Variants in NUP93 observed in about 807,000 individuals in gnomAD.
NUP93 encodes the protein nuclear pore complex protein Nup93.
Under a neutral mutation model 107.8 loss-of-function variants are expected in NUP93, and 55 were observed. The ratio of observed to expected loss-of-function variants is 0.51; its 90% confidence interval spans 0.41 to 0.64. The LOEUF (loss-of-function observed/expected upper bound fraction) is 0.64, where lower values mean the gene tolerates loss of function less well. Among genes scored for constraint, NUP93 ranks in the 30% least tolerant of loss-of-function variants. The pLI is 0.00. For synonymous variants in NUP93, 390 were observed against 397.5 expected (o/e 0.98, Z 0.22); for missense variants, 937 against 1,044.7 (o/e 0.90, Z 1.42).
chr16:56,740,187 G>A, intron 1 of NUP93, among the ~76,000 whole-genome samples: 1 of 147,388 alleles, frequency 6.8e-6, no homozygotes, highest in Non-Finnish European at 1.5e-5. Flanking sequence ...TCACTTCCCA[G>A]ATGGGGTGGC....
Position 56,844,579 on chromosome 16 carries a change from G to A in NUP93, c.2430G>A (p.Arg810=). Reference sequence around the variant, plus strand: ...GAACGTCTGGGGACACCAATGCGAGGCTGGTGCAGATGGAGGTCCTCATGA... The same window carrying A: ...GAACGTCTGGGGACACCAATGCGAGACTGGTGCAGATGGAGGTCCTCATGA... ...PYRTSGDTNA[R]LVQMEVLMN is the part of the protein sequence containing the mutation. Residue 810 remains arginine, a synonymous_variant, in exon 22 of 22, where the codon AGG becomes AGA. Coordinates refer to ENST00000308159, the MANE Select transcript of NUP93 (RefSeq NM_014669.5). The A allele has an allele frequency of 3.8e-6, 6 of 1,594,060 alleles. No homozygotes were observed. The highest frequency in any genetic ancestry group is 5.1e-6 in the Non-Finnish European group (6 of 1,170,514).
At chr16:56,818,781 G>A in intron 6 of NUP93, 43 bp downstream of exon 6, 2 of 1,542,040 alleles carry the variant, frequency 1.3e-6, no homozygotes, top group Non-Finnish European at 1.8e-6. Context: ...AAAATCCTTT[G>A]TGAACCTCTA....
chr16:56,807,743 C>G (rs931422288), intron 5 of NUP93, among the ~76,000 whole-genome samples: 1 of 151,864 alleles, frequency 6.6e-6, no homozygotes, highest in Non-Finnish European at 1.5e-5. Context: ...GCAGTGTGGC[C>G]CGGGCGCGGT....
intron 8 of NUP93, among the ~76,000 whole-genome samples, chr16:56,824,370 A>G (rs541134326): frequency 6.6e-6 from 1 of 152,030 alleles, no homozygotes; most frequent in Non-Finnish European, 1.5e-5. Context: ...CTCCTCACCA[A>G]TCAGAGCTGG....
chr16:56,833,542 C>T (rs1355947051), intron 13 of NUP93, 136 bp downstream of exon 13: 1 of 659,930 alleles, frequency 1.5e-6, no homozygotes, highest in Non-Finnish European at 2.4e-6. Context: ...GACAGTTGAG[C>T]TTTTTAGATG....
chr16:56,783,549 G>GATGACTCAATT, intron 3 of NUP93: 2 of 985,448 alleles, frequency 2.0e-6, no homozygotes, highest in Non-Finnish European at 2.4e-6. Context: ...CTGTATGGGA[G>GATGACTCAATT]ATGACTCAAT....
chr16:56,742,770 T>C (rs1251852229), intron 1 of NUP93, among the ~76,000 whole-genome samples: 1 of 152,222 alleles, frequency 6.6e-6, no homozygotes, highest in Non-Finnish European at 1.5e-5. Context: ...TTCTGGAGTA[T>C]ATCCTGGGAG....
intron 5 of NUP93, among the ~76,000 whole-genome samples, chr16:56,814,989 A>G (rs1963391286): frequency 6.6e-6 from 1 of 152,176 alleles, no homozygotes; most frequent in East Asian, 1.9e-4. Context: ...AATTGACTTT[A>G]TGTGCGGGGA....
chr16:56,783,711 ATTCTG>A, intron 3 of NUP93: 1 of 985,280 alleles, frequency 1.0e-6, no homozygotes, highest in Non-Finnish European at 1.2e-6. Flanking sequence ...GGTGAGCTGT[ATTCTG>A]AAGGCAGCTG....
chr16:56,741,028 A>AGGGAGT (rs1961731277), intron 1 of NUP93, among the ~76,000 whole-genome samples: 1 of 151,966 alleles, frequency 6.6e-6, no homozygotes, highest in African/African-American at 2.4e-5. Context: ...GGAGAGGGAG[A>AGGGAGT]GGGAGAGCGC....
At chr16:56,804,268 A>G (rs1313282401) in intron 4 of NUP93, among the ~76,000 whole-genome samples, 3 of 152,232 alleles carry the variant, frequency 2.0e-5, no homozygotes, top group Admixed American at 6.5e-5. Flanking sequence ...ACCCACGTTT[A>G]TAGCATTATT....
chr16:56,766,700 G>A (rs1162325578), intron 3 of NUP93, among the ~76,000 whole-genome samples: 2 of 152,236 alleles, frequency 1.3e-5, no homozygotes, highest in Admixed American at 1.3e-4. Context: ...ATCCAAAGCT[G>A]TGCAGGCCTG....
At chr16:56,800,251 C>G (rs1371473945) in intron 4 of NUP93, among the ~76,000 whole-genome samples, 1 of 152,146 alleles carries the variant, frequency 6.6e-6, no homozygotes, top group African/African-American at 2.4e-5. Flanking sequence ...GTCATAGATA[C>G]AGAGAAATTC....
intron 1 of NUP93, chr16:56,740,967 A>G (rs1597100950): frequency 1.3e-5 from 2 of 155,376 alleles, no homozygotes; most frequent in African/African-American, 2.4e-5. Flanking sequence ...TGGCAGCAGT[A>G]CAGTCCAGCT....
At chr16:56,833,987 G>C in intron 13 of NUP93, 141 bp from the exon 14 acceptor site, 1 of 1,172,880 alleles carries the variant, frequency 8.5e-7, no homozygotes, top group South Asian at 1.4e-5. Context: ...AAAGGGACTG[G>C]CCAAAGCTTA....
Position 56,832,320 on chromosome 16 carries a change from A to G in NUP93, c.1277A>G (p.Asp426Gly). The change falls in exon 12 of 22, where the codon GAT becomes GGT. Residue 426 changes from aspartate (D) to glycine (G), a missense_variant. By Grantham distance (94) the Asp-to-Gly change is moderately conservative. Coordinates refer to ENST00000308159, the MANE Select transcript of NUP93 (RefSeq NM_014669.5). Reference protein sequence around the residue: ...LKLNQVCFDDDGTSSPQDRLT... With the variant: ...LKLNQVCFDDGGTSSPQDRLT... ...TTGAACCAAGTGTGTTTTGACGACG[A>G]TGGCACCAGCTCCCCACAAGACAGG... 2 of 1,614,132 alleles carry G rather than the reference A, an allele frequency of 1.2e-6. No individual in the cohort carries two copies. Among genetic ancestry groups the G allele is most frequent in the Non-Finnish European group, 1.7e-6 (2 of 1,179,992 alleles).
At chr16:56,796,807 T>C (rs1370665308) in intron 3 of NUP93, among the ~76,000 whole-genome samples, 1 of 152,098 alleles carries the variant, frequency 6.6e-6, no homozygotes, top group Non-Finnish European at 1.5e-5. Context: ...TGAAACCCCA[T>C]CTCTACTAAG....
At chr16:56,814,413 C>CTCCT (rs1192466750) in intron 5 of NUP93, among the ~76,000 whole-genome samples, 2 of 152,140 alleles carry the variant, frequency 1.3e-5, no homozygotes, top group Non-Finnish European at 2.9e-5. Context: ...TGTTCTTGAA[C>CTCCT]TCCTGGACTC....
At chr16:56,811,779 TCTTC>T (rs1218722750) in intron 5 of NUP93, among the ~76,000 whole-genome samples, 3 of 152,202 alleles carry the variant, frequency 2.0e-5, no homozygotes, top group Non-Finnish European at 4.4e-5. Flanking sequence ...CCATGAAATG[TCTTC>T]CTTAAAAAAC....
Sources: gnomAD v4.1 joint callset for allele counts (sites outside exome capture counted in the v4.1 genomes callset) on GRCh38, gnomAD v4.1.1 for gene constraint, MANE v1.5 for transcripts, NCBI Gene and HGNC (gene_info 2026-07-23, HGNC 2026-07-21) for gene names.